EZH2: variants seen among roughly 807,000 people sequenced by gnomAD.
EZH2 encodes the protein enhancer of zeste 2 polycomb repressive complex 2 subunit.
EZH2 carries 18 observed loss-of-function variants against 98.4 expected under a neutral mutation model. The observed-to-expected ratio is 0.18, with a 90% CI of 0.13 to 0.27. The LOEUF is 0.27. Ranked by LOEUF, EZH2 falls within the 10% of genes least tolerant of loss-of-function variation. EZH2 has a pLI of 1.00. For synonymous variants in EZH2, 338 were observed against 312.3 expected (o/e 1.08, Z -0.87); for missense variants, 470 against 935.1 (o/e 0.50, Z 6.49).
At chr7:148,884,011 C>G (rs528730822) in intron 1 of EZH2, 153 bp downstream of exon 1, 11 of 152,148 alleles carry the variant, frequency 7.2e-5, no homozygotes, top group Non-Finnish European at 2.9e-5. Context: ...CCCTCCACCC[C>G]CCGCACGCCT....
At position 148,847,248 on chromosome 7, in the gene EZH2, C is replaced by T; in HGVS notation, c.51G>A (p.Lys17=). 5 of 1,614,024 alleles carry T rather than the reference C, an allele frequency of 3.1e-6. No homozygotes were observed. The highest frequency in any genetic ancestry group is 4.2e-6 in the Non-Finnish European group (5 of 1,179,940). The part of the protein sequence containing the change: ...KSEKGPVCWR[K]RVKSEYMRLR... ...GTCGCATGTACTCTGATTTTACACG[C>T]TTCCGCCAACAAACTGGTCCCTTCT... Residue 17 remains lysine, a synonymous_variant, in exon 2 of 20, where the codon AAG becomes AAA. Transcript: ENST00000320356.
intron 3 of EZH2, among the ~76,000 whole-genome samples, chr7:148,842,269 T>C (rs1052944261): frequency 1.3e-5 from 2 of 152,184 alleles, no homozygotes; most frequent in African/African-American, 4.8e-5. Flanking sequence ...GAAAACATTT[T>C]GATATGAAGT....
chr7:148,880,712 T>C (rs1294142596), intron 1 of EZH2, among the ~76,000 whole-genome samples: 2 of 152,234 alleles, frequency 1.3e-5, no homozygotes, highest in African/African-American at 2.4e-5. Context: ...ACATATCCTG[T>C]TCACTTTGCA....
At chr7:148,874,892 G>A (rs965603243) in intron 1 of EZH2, among the ~76,000 whole-genome samples, 4 of 143,000 alleles carry the variant, frequency 2.8e-5, no homozygotes, top group Non-Finnish European at 3.0e-5. Flanking sequence ...GCAAGACTCC[G>A]TCTCAAAAAA....
chr7:148,810,518 CG>C, intron 16 of EZH2, 104 bp from the exon 17 acceptor site: 1 of 697,756 alleles, frequency 1.4e-6, no homozygotes, highest in Non-Finnish European at 2.5e-6. Context: ...CTGGAGAAAA[CG>C]CAACAAAAAG....
intron 4 of EZH2, among the ~76,000 whole-genome samples, chr7:148,830,384 G>C (rs79813528): frequency 2.6e-5 from 4 of 152,074 alleles, no homozygotes; most frequent in African/African-American, 9.7e-5. Context: ...GAAATATGGT[G>C]TATCAAGATC....
chr7:148,841,357 G>C (rs553645085), intron 3 of EZH2, among the ~76,000 whole-genome samples: 2 of 152,186 alleles, frequency 1.3e-5, no homozygotes, highest in Non-Finnish European at 2.9e-5. Flanking sequence ...AGGTGGGAAT[G>C]ACTGACAGTT....
rs990938128 is a variant in EZH2, at chr7:148,871,484, C to T, written c.-8+12680G>A. Among the ~76,000 whole-genome samples the T allele has an allele frequency of 3.4e-5, 5 of 149,128 alleles. No homozygotes were observed. In the South Asian group the frequency reaches 1.1e-3, roughly 32 times the overall value. ...CTGTATACATCCAAATTCACTCATA[C>T]TCAAACCCCCAAATCTGACCTATGG... On this transcript the variant is annotated intron_variant, in intron 1 of 19. Coordinates refer to ENST00000320356, the MANE Select transcript of EZH2 (RefSeq NM_004456.5).
In EZH2 at chr7:148,815,015, T is replaced by C; in HGVS notation, c.1571A>G (p.Asn524Ser). ...KKDGSSNHVY[N>S]YQPCDHPRQP... ...CCGTGGATGATCACAGGGTTGATAG[T>C]TGTAAACATGGTTAGAGGAGCCGTC... is the stretch of plus-strand genomic sequence containing the variant. The change falls in exon 14 of 20, where the codon AAC (asparagine) becomes AGC (serine). Residue 524 changes from asparagine to serine, a missense_variant. By Grantham distance (46) the Asn-to-Ser change is conservative. Around this residue, in one of 6 missense-constraint regions of EZH2, gnomAD observed 106 missense variants for 327.2 expected, o/e 0.32. Coordinates refer to ENST00000320356, the MANE Select transcript of EZH2 (RefSeq NM_004456.5). The C allele has an allele frequency of 6.2e-7, 1 of 1,614,062 alleles. No homozygotes were observed. Among genetic ancestry groups the C allele is most frequent in the Non-Finnish European group, 8.5e-7 (1 of 1,179,966 alleles).
intron 1 of EZH2, among the ~76,000 whole-genome samples, chr7:148,870,071 T>TG (rs1819125812): frequency 6.6e-6 from 1 of 152,154 alleles, no homozygotes; most frequent in Non-Finnish European, 1.5e-5. Context: ...AAAAGAATCT[T>TG]CATAGCATAA....
At position 148,810,334 on chromosome 7, in the gene EZH2, A is replaced by G. The variant is rs115842196; in HGVS notation, c.2028T>C (p.Asn676=). 7.4e-4 allele frequency: 1,182 copies of G among 1,603,898 alleles called. 8 individuals are homozygous for G. In the African/African-American group the frequency reaches 0.014, roughly 19 times the overall value. Residue 676 remains asparagine, a splice_region_variant and synonymous_variant, in exon 17 of 20, where the codon AAT becomes AAC. Coordinates refer to ENST00000320356, the MANE Select transcript of EZH2 (RefSeq NM_004456.5). The stretch of plus-strand genomic sequence containing the variant: ...CTGCCTCCCAGCTCTGAAACATACC[A>G]TTGTTCAAGTTGAACAGAAAGCTGC... ...YMCSFLFNLN[N]DFVVDATRKG... is the part of the protein sequence containing the mutation.
chr7:148,862,528 A>C (rs758346658), intron 1 of EZH2, among the ~76,000 whole-genome samples: 1 of 152,212 alleles, frequency 6.6e-6, no homozygotes, highest in Non-Finnish European at 1.5e-5. Flanking sequence ...CACTTCATTG[A>C]TTTAAAAAAA....
At chr7:148,864,199 GACAGTAAACT>G (rs1453121086) in intron 1 of EZH2, among the ~76,000 whole-genome samples, 3 of 152,198 alleles carry the variant, frequency 2.0e-5, no homozygotes, top group Non-Finnish European at 4.4e-5. Context: ...CTTCCAGCAA[GACAGTAAACT>G]ATTGATTTCA....
intron 4 of EZH2, 138 bp from the exon 5 acceptor site, chr7:148,829,986 T>C: frequency 1.9e-6 from 1 of 540,416 alleles, no homozygotes. Context: ...GAGAGCAAAC[T>C]CTAAAATTTA....
At chr7:148,865,947 A>C (rs573823291) in intron 1 of EZH2, among the ~76,000 whole-genome samples, 52 of 152,282 alleles carry the variant, frequency 3.4e-4, no homozygotes, top group African/African-American at 1.1e-3. Flanking sequence ...CAATGTCTGC[A>C]AAGTGCCATT....
At chr7:148,878,689 A>T (rs1287597707) in intron 1 of EZH2, among the ~76,000 whole-genome samples, 1 of 152,130 alleles carries the variant, frequency 6.6e-6, no homozygotes, top group Non-Finnish European at 1.5e-5. Flanking sequence ...TCTTGAGTTC[A>T]GGAGTTCAAG....
At chr7:148,814,428 A>C (rs992163135) in intron 14 of EZH2, among the ~76,000 whole-genome samples, 3 of 152,174 alleles carry the variant, frequency 2.0e-5, no homozygotes, top group African/African-American at 7.2e-5. Flanking sequence ...ATGGTCCTTG[A>C]CCATTCCAAT....
intron 1 of EZH2, among the ~76,000 whole-genome samples, chr7:148,871,507 T>C (rs949649182): frequency 1.3e-5 from 2 of 150,040 alleles, no homozygotes; most frequent in Non-Finnish European, 3.0e-5. Context: ...ATCTGACCTA[T>C]GGAACCTGCA....
intron 1 of EZH2, among the ~76,000 whole-genome samples, chr7:148,881,229 G>C (rs904659187): frequency 1.3e-5 from 2 of 152,182 alleles, no homozygotes; most frequent in Non-Finnish European, 2.9e-5. Flanking sequence ...TTAAAAAGCA[G>C]ATCAACTTTC....
Sources: allele counts gnomAD v4.1 joint callset (sites outside exome capture counted in the v4.1 genomes callset), GRCh38; gene constraint gnomAD v4.1.1; regional missense constraint gnomAD v4.1.1; transcripts MANE v1.5; gene names NCBI Gene and HGNC (gene_info 2026-07-23, HGNC 2026-07-21).